Variants in TENM4 observed in about 807,000 individuals in gnomAD.
The protein encoded by TENM4 is teneurin transmembrane protein 4.
In TENM4, 82 loss-of-function variants were observed where a neutral mutation model predicts 243.3. The ratio of observed to expected loss-of-function variants is 0.34; its 90% confidence interval spans 0.28 to 0.40. The LOEUF (loss-of-function observed/expected upper bound fraction) is 0.40. Ranked by LOEUF, TENM4 falls within the 10% of genes least tolerant of loss-of-function variation. The pLI, the probability that TENM4 is intolerant of heterozygous loss-of-function variation, is 1.00. For synonymous variants in TENM4, 1,412 were observed against 1,456.3 expected, an observed-to-expected ratio of 0.97 and a Z score of 0.69; for missense variants, 3,138 against 3,673.3, an observed-to-expected ratio of 0.85 and a Z score of 3.77.
At chr11:79,252,132 A>T (rs1855621859) in intron 2 of TENM4, among the ~76,000 whole-genome samples, 1 of 152,254 alleles carries the variant, frequency 6.6e-6, no homozygotes, top group African/African-American at 2.4e-5. Flanking sequence ...AAGGTGGCCA[A>T]TCTTTGGAAG....
intron 1 of TENM4, among the ~76,000 whole-genome samples, chr11:79,353,621 T>C (rs1244946635): frequency 2.0e-5 from 3 of 152,090 alleles, no homozygotes; most frequent in Admixed American, 6.5e-5. Flanking sequence ...GAAAAACACT[T>C]ATAATCAATC....
At chr11:79,150,010 A>G (rs1461758808) in intron 3 of TENM4, among the ~76,000 whole-genome samples, 1 of 152,196 alleles carries the variant, frequency 6.6e-6, no homozygotes, top group African/African-American at 2.4e-5. Context: ...CTAGGCAGGT[A>G]GAGGTGGGAA....
At chr11:79,155,964 G>A (rs936391244) in intron 3 of TENM4, among the ~76,000 whole-genome samples, 3 of 151,810 alleles carry the variant, frequency 2.0e-5, no homozygotes, top group African/African-American at 7.3e-5. Flanking sequence ...CTTCCTACAT[G>A]TTGTCTACTA....
chr11:79,430,689 T>C (rs2135609069), intron 1 of TENM4, among the ~76,000 whole-genome samples: 1 of 152,302 alleles, frequency 6.6e-6, no homozygotes, highest in African/African-American at 2.4e-5. Flanking sequence ...TCTTTATAGA[T>C]GAGGACATTG....
chr11:78,881,560 T>C (rs553256623), intron 9 of TENM4, among the ~76,000 whole-genome samples: 2 of 152,256 alleles, frequency 1.3e-5, no homozygotes, highest in South Asian at 4.2e-4. Flanking sequence ...CCTAGAACCA[T>C]TAGCCAGGGG....
intron 17 of TENM4, among the ~76,000 whole-genome samples, chr11:78,771,483 T>C (rs1856646571): frequency 6.6e-6 from 1 of 152,202 alleles, no homozygotes; most frequent in Non-Finnish European, 1.5e-5. Flanking sequence ...CCAATGGAGC[T>C]TTTTGCCTGA....
chr11:78,803,532 C>A (rs1184030277), intron 15 of TENM4, among the ~76,000 whole-genome samples: 1 of 152,182 alleles, frequency 6.6e-6, no homozygotes, highest in African/African-American at 2.4e-5. Flanking sequence ...TTCTCTCTTG[C>A]CTTTGCACAT....
rs752652886 is a variant in TENM4 at position 78,732,360 on chromosome 11, C to T, written c.3094G>A (p.Ala1032Thr). 1.9e-5 allele frequency: 31 copies of T among 1,613,220 alleles called. No individual in the cohort carries two copies. Among genetic ancestry groups the T allele is most frequent in the South Asian group, 1.4e-4 (13 of 90,956 alleles). Reference protein sequence around the residue: ...VVSPSPLTSFASSCAEKGPIV... With the variant: ...VVSPSPLTSFTSSCAEKGPIV... The stretch of plus-strand genomic sequence containing the variant: ...GGGCCTTTCTCTGCACAGGAGCTGG[C>T]GAAGGACGTCAGTGGGGATGGAGAG... The change falls in exon 21 of 34, where the codon GCC becomes ACC. Residue 1032 changes from alanine (A) to threonine (T), a missense_variant. Around this residue, in one of 2 missense-constraint regions of TENM4, gnomAD observed 2,467 missense variants for 3,059.1 expected, o/e 0.81. Coordinates refer to ENST00000278550, the MANE Select transcript of TENM4 (RefSeq NM_001098816.3).
intron 4 of TENM4, among the ~76,000 whole-genome samples, chr11:79,106,618 C>T (rs1464032877): frequency 2.6e-5 from 4 of 152,244 alleles, no homozygotes; most frequent in Non-Finnish European, 5.9e-5. Context: ...AAGTCACCAA[C>T]ACTCAGGGCT....
At chr11:79,348,210 T>C (rs534698) in intron 1 of TENM4, among the ~76,000 whole-genome samples, 31,777 of 152,164 alleles carry the variant, frequency 0.21, 4,099 homozygotes, top group East Asian at 0.31. Context: ...ATTTATGTAA[T>C]AGACACTGAT....
At chr11:79,067,525 G>A (rs1462404058) in intron 5 of TENM4, among the ~76,000 whole-genome samples, 1 of 151,026 alleles carries the variant, frequency 6.6e-6, no homozygotes, top group African/African-American at 2.4e-5. Flanking sequence ...AAACAGCCTG[G>A]GCTGCATTGA....
chr11:79,379,711 G>A (rs529043969), intron 1 of TENM4, among the ~76,000 whole-genome samples: 13 of 152,338 alleles, frequency 8.5e-5, no homozygotes, highest in Admixed American at 8.5e-4. Flanking sequence ...CACACAGTGA[G>A]TAAGTGGCAG....
rs547204297 is a variant in TENM4 at position 78,938,592 on chromosome 11, A to T, written c.494-35069T>A. ...TATGCCCTCTACTTATCATTACTTCATTGAAAAAATAATATTTTAATAGGA... is the reference window on the plus strand; with the variant it reads ...TATGCCCTCTACTTATCATTACTTCTTTGAAAAAATAATATTTTAATAGGA... On this transcript the variant is annotated intron_variant, in intron 6 of 33. Transcript: ENST00000278550. Among the ~76,000 whole-genome samples, 15 of 152,278 alleles carry T rather than the reference A, an allele frequency of 9.9e-5. No individual in the cohort carries two copies. In the East Asian group the frequency reaches 2.9e-3, roughly 29 times the overall value.
At chr11:79,413,174 G>A (rs1858737841) in intron 1 of TENM4, among the ~76,000 whole-genome samples, 1 of 152,192 alleles carries the variant, frequency 6.6e-6, no homozygotes, top group Non-Finnish European at 1.5e-5. Context: ...TGAAGTCAGA[G>A]TAAAAACACA....
At chr11:79,396,305 A>G (rs748402263) in intron 1 of TENM4, among the ~76,000 whole-genome samples, 6 of 152,262 alleles carry the variant, frequency 3.9e-5, no homozygotes, top group African/African-American at 7.2e-5. Flanking sequence ...CTTATCTCTC[A>G]TGGTTCTTTG....
chr11:78,971,958 G>T (rs142957840), intron 6 of TENM4, among the ~76,000 whole-genome samples: 1 of 152,236 alleles, frequency 6.6e-6, no homozygotes, highest in Admixed American at 6.5e-5. Flanking sequence ...GCAAAACTGC[G>T]TAAAAAGTAA....
At chr11:79,247,220 C>A (rs773750147) in intron 2 of TENM4, among the ~76,000 whole-genome samples, 1 of 151,706 alleles carries the variant, frequency 6.6e-6, no homozygotes, top group Non-Finnish European at 1.5e-5. Flanking sequence ...AGATTGAGAC[C>A]AGCCTGGCCA....
At chr11:79,095,223 G>A (rs930368390) in intron 4 of TENM4, among the ~76,000 whole-genome samples, 1 of 152,152 alleles carries the variant, frequency 6.6e-6, no homozygotes, top group Non-Finnish European at 1.5e-5. Context: ...TTCAGGGAGG[G>A]AGGACTCTCC....
intron 12 of TENM4, among the ~76,000 whole-genome samples, chr11:78,818,539 T>C (rs544175052): frequency 1.2e-4 from 18 of 152,308 alleles, no homozygotes; most frequent in African/African-American, 4.3e-4. Context: ...ATAGAGAATA[T>C]TTTCTTTTGA....
Sources: allele counts gnomAD v4.1 joint callset (sites outside exome capture counted in the v4.1 genomes callset), GRCh38; gene constraint gnomAD v4.1.1; regional missense constraint gnomAD v4.1.1; transcripts MANE v1.5; gene names NCBI Gene and HGNC (gene_info 2026-07-23, HGNC 2026-07-21).